Variants in TPRG1 observed in about 807,000 individuals in gnomAD.
TPRG1 encodes the protein tumor protein p63-regulated gene 1 protein.
TPRG1 carries 29 observed loss-of-function variants against 29.3 expected under a neutral mutation model. That is an observed-to-expected ratio of 0.99 (90% CI 0.74 to 1.35). The LOEUF is 1.35. Ranked by LOEUF, TPRG1 falls within the 40% of genes most tolerant of loss-of-function variation. TPRG1 has a pLI of 0.00. For missense variants in TPRG1, 327 were observed against 335.0 expected (o/e 0.98, Z 0.19); for synonymous variants, 130 against 116.8 (o/e 1.11, Z -0.73).
intron 5 of TPRG1, among the ~76,000 whole-genome samples, chr3:189,316,878 T>C (rs1723625510): frequency 6.6e-6 from 1 of 152,162 alleles, no homozygotes; most frequent in Admixed American, 6.5e-5. Context: ...TTCAGGTGCT[T>C]GAAATGCTCA....
intron 5 of TPRG1, among the ~76,000 whole-genome samples, chr3:189,320,217 T>C (rs189992334): frequency 3.9e-4 from 59 of 152,204 alleles, no homozygotes; most frequent in Middle Eastern, 3.4e-3. Flanking sequence ...CATCAATATT[T>C]CTTAAGTAAT....
At chr3:189,194,161 G>A (rs1420538836) in intron 1 of TPRG1, among the ~76,000 whole-genome samples, 1 of 151,932 alleles carries the variant, frequency 6.6e-6, no homozygotes, top group East Asian at 1.9e-4. Context: ...TATGATCTCT[G>A]TGCAGCTTCT....
chr3:189,267,435 A>G (rs971864406), intron 4 of TPRG1, among the ~76,000 whole-genome samples: 1 of 152,262 alleles, frequency 6.6e-6, no homozygotes, highest in Non-Finnish European at 1.5e-5. Context: ...TAATTTTCAT[A>G]TAAAGCATAA....
chr3:189,142,922 C>T (rs748664868), intron 3 of TPRG1, among the ~76,000 whole-genome samples: 1 of 152,284 alleles, frequency 6.6e-6, no homozygotes, highest in Admixed American at 6.5e-5. Flanking sequence ...TTTTTAAAAA[C>T]TTTCACCTTT....
At chr3:189,049,724 A>T (rs1184747843) in intron 4 of TPRG1, among the ~76,000 whole-genome samples, 1 of 152,198 alleles carries the variant, frequency 6.6e-6, no homozygotes, top group Non-Finnish European at 1.5e-5. Flanking sequence ...CACCAAAGCT[A>T]AGGACCTTTA....
intron 3 of TPRG1, chr3:189,219,453 A>C (rs960777708): frequency 2.0e-6 from 1 of 494,840 alleles, no homozygotes. Context: ...ATATACATCT[A>C]TAAAGACAGG....
Position 189,312,097 on chromosome 3 carries a change from GTTTCTTTGTTTC to G in TPRG1, c.633+1578_633+1589del, listed in dbSNP as rs1281619027. On this transcript the variant is annotated intron_variant, in intron 5 of 5. Transcript: ENST00000345063. ...ACACTTTATGTTTCTTTCTTTCTTT[GTTTCTTTGTTTC>G]TTTCTTTGTTTCTTTCTTTCTTTCT... is the stretch of plus-strand genomic sequence containing the variant. Among the ~76,000 whole-genome samples, 322 of 71,120 alleles carry G rather than the reference GTTTCTTTGTTTC, an allele frequency of 4.5e-3. 23 individuals carry two copies. The highest frequency in any genetic ancestry group is 0.015 in the African/African-American group (261 of 17,370). The allele number at this position is 71,120 out of a possible 152,430, so 46.7% of individuals were successfully genotyped here. A position where few individuals can be genotyped will look rare whatever the true frequency, so the allele number is the denominator to read the frequency against.
chr3:189,276,190 G>A (rs1184923472), intron 4 of TPRG1, among the ~76,000 whole-genome samples: 1 of 152,174 alleles, frequency 6.6e-6, no homozygotes, highest in Non-Finnish European at 1.5e-5. Flanking sequence ...GAATTGGTAA[G>A]AGGGAATGAA....
At chr3:189,079,892 G>T (rs1368286322) in intron 4 of TPRG1, among the ~76,000 whole-genome samples, 1 of 152,140 alleles carries the variant, frequency 6.6e-6, no homozygotes, top group Non-Finnish European at 1.5e-5. Flanking sequence ...CTGTGTTAAT[G>T]CTTCACTTGT....
intron 4 of TPRG1, among the ~76,000 whole-genome samples, chr3:189,030,608 G>A (rs1713879639): frequency 6.6e-6 from 1 of 152,190 alleles, no homozygotes; most frequent in Non-Finnish European, 1.5e-5. Context: ...ACCTTGGGGA[G>A]TGTACATACT....
intron 1 of TPRG1, among the ~76,000 whole-genome samples, chr3:189,191,639 A>G (rs1164300318): frequency 1.3e-5 from 2 of 152,192 alleles, no homozygotes; most frequent in Non-Finnish European, 2.9e-5. Context: ...TTTAGCATTC[A>G]GCATTTTGGG....
In TPRG1 at chr3:189,196,391, T is replaced by C. The variant is rs186621892; in HGVS notation, c.-9-10985T>C. On this transcript the variant is annotated intron_variant, in intron 1 of 5. Coordinates refer to ENST00000345063, the MANE Select transcript of TPRG1 (RefSeq NM_198485.4). Reference sequence around the variant, plus strand: ...TCTGTTATCATGCTACTAATAAAGATATACCAGAGACTGGGTAATTTATAA... The same window carrying C: ...TCTGTTATCATGCTACTAATAAAGACATACCAGAGACTGGGTAATTTATAA... 5.6e-3 allele frequency among the ~76,000 whole-genome samples: 856 copies of C among 152,254 alleles called. 9 individuals carry two copies. The highest frequency in any genetic ancestry group is 0.018 in the African/African-American group (751 of 41,542).
At chr3:189,093,595 C>A (rs1193934808) in intron 4 of TPRG1, among the ~76,000 whole-genome samples, 1 of 152,068 alleles carries the variant, frequency 6.6e-6, no homozygotes, top group Non-Finnish European at 1.5e-5. Context: ...AATCTTGGAA[C>A]CTGGTTTGAA....
chr3:189,231,190 C>T (rs1382226136), intron 3 of TPRG1, among the ~76,000 whole-genome samples: 2 of 151,566 alleles, frequency 1.3e-5, no homozygotes, highest in Admixed American at 1.3e-4. Flanking sequence ...AATAAAAATA[C>T]AACTAGTTAT....
At chr3:189,192,708 T>C (rs1395730935) in intron 1 of TPRG1, among the ~76,000 whole-genome samples, 1 of 152,216 alleles carries the variant, frequency 6.6e-6, no homozygotes, top group East Asian at 1.9e-4. Context: ...TGTGGTTTAA[T>C]GGTTTTCTGT....
chr3:189,287,484 G>T (rs930230439), intron 4 of TPRG1, among the ~76,000 whole-genome samples: 3 of 150,300 alleles, frequency 2.0e-5, no homozygotes, highest in African/African-American at 7.4e-5. Flanking sequence ...TGCAAGCTCC[G>T]CCTCCCAGGT....
At chr3:189,257,080 A>G (rs947436046) in intron 4 of TPRG1, among the ~76,000 whole-genome samples, 1 of 152,116 alleles carries the variant, frequency 6.6e-6, no homozygotes, top group Admixed American at 6.5e-5. Context: ...CCATTAGTTG[A>G]TGCAGTTTCT....
intron 4 of TPRG1, among the ~76,000 whole-genome samples, chr3:189,043,376 G>C (rs1416634308): frequency 6.6e-6 from 1 of 152,154 alleles, no homozygotes; most frequent in Non-Finnish European, 1.5e-5. Flanking sequence ...CACTTCCACT[G>C]ACTTTCTCTG....
At chr3:189,031,899 T>G (rs377182059) in intron 4 of TPRG1, among the ~76,000 whole-genome samples, 32 of 152,226 alleles carry the variant, frequency 2.1e-4, no homozygotes, top group East Asian at 9.7e-4. Context: ...TAAATAATAA[T>G]AAGAAGAAGC....
Sources: gnomAD v4.1 joint callset for allele counts (sites outside exome capture counted in the v4.1 genomes callset) on GRCh38, gnomAD v4.1.1 for gene constraint, MANE v1.5 for transcripts, NCBI Gene and HGNC (gene_info 2026-07-23, HGNC 2026-07-21) for gene names.